The following CAMK2D variants were observed in gnomAD, a reference collection of about 807,000 sequenced individuals.
The protein encoded by CAMK2D is calcium/calmodulin-dependent protein kinase type II subunit delta.
CAMK2D carries 37 observed loss-of-function variants against 84.0 expected under a neutral mutation model. The observed-to-expected ratio is 0.44, with a 90% CI of 0.34 to 0.58. CAMK2D has a LOEUF of 0.58. Among genes scored for constraint, CAMK2D ranks in the 20% least tolerant of loss-of-function variants. CAMK2D has a pLI of 0.02. For missense variants in CAMK2D, 448 were observed against 652.5 expected, an observed-to-expected ratio of 0.69 and a Z score of 3.41; for synonymous variants, 202 against 212.5, an observed-to-expected ratio of 0.95 and a Z score of 0.43.
At chr4:113,660,109 A>G (rs750620500) in intron 3 of CAMK2D, among the ~76,000 whole-genome samples, 2 of 152,234 alleles carry the variant, frequency 1.3e-5, no homozygotes, top group Non-Finnish European at 2.9e-5. Context: ...TGCAAATTCT[A>G]CATCACTGTT....
At chr4:113,507,726 C>G (rs929480129) in intron 13 of CAMK2D, among the ~76,000 whole-genome samples, 1 of 152,016 alleles carries the variant, frequency 6.6e-6, no homozygotes, top group African/African-American at 2.4e-5. Flanking sequence ...GAGGCATGGG[C>G]AAGATATTCC....
intron 2 of CAMK2D, among the ~76,000 whole-genome samples, chr4:113,752,549 G>GA (rs1562232550): frequency 6.6e-6 from 1 of 152,156 alleles, no homozygotes; most frequent in Non-Finnish European, 1.5e-5. Context: ...TAAACAAGAT[G>GA]AACCAGAAGA....
At chr4:113,641,541 C>T (rs942860418) in intron 3 of CAMK2D, among the ~76,000 whole-genome samples, 6 of 152,066 alleles carry the variant, frequency 3.9e-5, no homozygotes, top group African/African-American at 1.2e-4. Flanking sequence ...AGACCTGTTA[C>T]GAAAGTGATA....
At chr4:113,627,049 A>G (rs1416215047) in intron 3 of CAMK2D, among the ~76,000 whole-genome samples, 1 of 152,190 alleles carries the variant, frequency 6.6e-6, no homozygotes, top group Non-Finnish European at 1.5e-5. Context: ...CTTGTTTTAT[A>G]CATGAATAAA....
intron 8 of CAMK2D, among the ~76,000 whole-genome samples, chr4:113,523,711 G>A (rs1375861379): frequency 6.6e-6 from 1 of 152,102 alleles, no homozygotes; most frequent in Non-Finnish European, 1.5e-5. Flanking sequence ...GGTGGAGGTT[G>A]CAGTGAGCTA....
intron 4 of CAMK2D, among the ~76,000 whole-genome samples, chr4:113,605,935 A>G (rs1209170011): frequency 6.6e-6 from 1 of 152,186 alleles, no homozygotes. Flanking sequence ...CACTCATCAT[A>G]TCAAGAACCA....
At chr4:113,538,538 A>G (rs1298713947) in intron 6 of CAMK2D, among the ~76,000 whole-genome samples, 1 of 152,160 alleles carries the variant, frequency 6.6e-6, no homozygotes, top group Non-Finnish European at 1.5e-5. Context: ...GAAACAATGG[A>G]CTCTACAAAT....
intron 16 of CAMK2D, among the ~76,000 whole-genome samples, chr4:113,493,698 A>G (rs961284589): frequency 1.3e-5 from 2 of 152,142 alleles, no homozygotes; most frequent in Non-Finnish European, 2.9e-5. Flanking sequence ...CTGCCTTGCC[A>G]GATTGGGGAA....
At chr4:113,688,910 C>CAAAAAAAAAAAAAAAAAAAAAAAGAAA (rs2099369925) in intron 2 of CAMK2D, among the ~76,000 whole-genome samples, 11 of 49,710 alleles carry the variant, frequency 2.2e-4, no homozygotes, top group Non-Finnish European at 3.7e-4. Flanking sequence ...AAAGAAGATG[C>CAAAAAAAAAAAAAAAAAAAAAAAGAAA]AAAAAAAAAA....
chr4:113,648,763 A>G (rs59200001), intron 3 of CAMK2D, among the ~76,000 whole-genome samples: 3,797 of 152,284 alleles, frequency 0.025, 138 homozygotes, highest in East Asian at 0.11. Flanking sequence ...GATCACAGTC[A>G]CAGCCAAATA....
At chr4:113,600,204 T>C (rs974258539) in intron 4 of CAMK2D, among the ~76,000 whole-genome samples, 6 of 152,148 alleles carry the variant, frequency 3.9e-5, no homozygotes, top group African/African-American at 1.4e-4. Context: ...GATCCTACAA[T>C]TGTGGTTACA....
At chr4:113,714,961 G>A (rs2099509105) in intron 2 of CAMK2D, among the ~76,000 whole-genome samples, 1 of 152,040 alleles carries the variant, frequency 6.6e-6, no homozygotes, top group African/African-American at 2.4e-5. Context: ...TGAATTTATA[G>A]ATTAATTTGG....
At chr4:113,725,530 G>C (rs1291352311) in intron 2 of CAMK2D, among the ~76,000 whole-genome samples, 1 of 152,042 alleles carries the variant, frequency 6.6e-6, no homozygotes, top group Non-Finnish European at 1.5e-5. Context: ...CTAATGTAAG[G>C]TAAACCTCTC....
intron 1 of CAMK2D, among the ~76,000 whole-genome samples, chr4:113,760,313 C>T (rs2099638133): frequency 6.6e-6 from 1 of 152,172 alleles, no homozygotes; most frequent in South Asian, 2.1e-4. Flanking sequence ...GAGGGCTTTT[C>T]CGTTGCCTGT....
intron 2 of CAMK2D, among the ~76,000 whole-genome samples, chr4:113,722,868 C>T (rs1182296447): frequency 6.6e-6 from 1 of 152,088 alleles, no homozygotes; most frequent in East Asian, 1.9e-4. Flanking sequence ...AGCTATTTCA[C>T]CTTCACCAAA....
chr4:113,483,088 G>A (rs977699151), intron 16 of CAMK2D, among the ~76,000 whole-genome samples: 3 of 152,172 alleles, frequency 2.0e-5, no homozygotes, highest in Non-Finnish European at 4.4e-5. Context: ...TACTCTGGAA[G>A]AAACTTTAAC....
At chr4:113,677,575 A>G in intron 2 of CAMK2D, 1 of 979,530 alleles carries the variant, frequency 1.0e-6, no homozygotes, top group East Asian at 1.1e-4. Context: ...AATCATCCAG[A>G]GCCTTCTCTA....
intron 5 of CAMK2D, among the ~76,000 whole-genome samples, chr4:113,550,740 G>C (rs750892387): frequency 9.2e-5 from 14 of 152,150 alleles, no homozygotes; most frequent in Non-Finnish European, 1.2e-4. Flanking sequence ...GGTTCCCCAT[G>C]GCCCCTTTCA....
At chr4:113,660,118 T>G (rs188154087) in intron 3 of CAMK2D, among the ~76,000 whole-genome samples, 41 of 152,328 alleles carry the variant, frequency 2.7e-4, no homozygotes, top group Middle Eastern at 3.4e-3. Context: ...TACATCACTG[T>G]TACCCCTTTT....
Sources: allele counts gnomAD v4.1 joint callset (sites outside exome capture counted in the v4.1 genomes callset), GRCh38; gene constraint gnomAD v4.1.1; transcripts MANE v1.5; gene names NCBI Gene and HGNC (gene_info 2026-07-23, HGNC 2026-07-21).